Variants in ADAM2 observed in about 807,000 individuals in gnomAD.
ADAM2 encodes the protein ADAM metallopeptidase domain 2.
A neutral mutation model predicts 99.3 loss-of-function variants in ADAM2; 101 were observed. The observed-to-expected ratio is 1.02, with a 90% confidence interval of 0.87 to 1.20. ADAM2 has a LOEUF of 1.20. Among genes scored for constraint, ADAM2 ranks in the 50% most tolerant of loss-of-function variants. The pLI, the probability that ADAM2 is intolerant of heterozygous loss-of-function variation, is 0.00. For synonymous variants in ADAM2, 323 were observed against 287.6 expected (o/e 1.12, Z -1.25); for missense variants, 948 against 878.7 (o/e 1.08, Z -1.00).
chr8:39,784,899 G>T (rs749879733), intron 10 of ADAM2, among the ~76,000 whole-genome samples: 8 of 152,084 alleles, frequency 5.3e-5, no homozygotes, highest in Non-Finnish European at 1.2e-4. Context: ...TAATGGGGTT[G>T]TTTGTTTTTT....
In ADAM2 at chr8:39,837,138, G is replaced by T; in HGVS notation, c.130C>A (p.Gln44Lys). ...AAATACTGTTAGTGATTCATTACCT[G>T]CGATTCAATTCCTTCCTTTATTATT... ...RSIIKEGIES[Q>K]ASYKIVIEGK... The change falls in exon 2 of 21, where the codon CAG becomes AAG. Residue 44 changes from glutamine to lysine, a missense_variant and splice_region_variant. Transcript: ENST00000265708. 6.3e-7 allele frequency: 1 copy of T among 1,592,370 alleles called. No individual in the cohort carries two copies. Among genetic ancestry groups the T allele is most frequent in the Non-Finnish European group, 8.6e-7 (1 of 1,165,178 alleles).
In ADAM2 at chr8:39,788,650, C is replaced by T. The variant is rs368075285; in HGVS notation, c.642+19G>A. 2.6e-6 allele frequency: 4 copies of T among 1,541,284 alleles called. No individual in the cohort carries two copies. The highest frequency in any genetic ancestry group is 3.5e-6 in the Non-Finnish European group (4 of 1,133,390). On this transcript the variant is annotated intron_variant, in intron 8 of 20. Coordinates refer to ENST00000265708, the MANE Select transcript of ADAM2 (RefSeq NM_001464.5). ...TAGTAACACAAGAAGTGCAAAAGTA[C>T]TAAGAAGCAAAGACTTACAGCATTC...
intron 16 of ADAM2, among the ~76,000 whole-genome samples, chr8:39,755,525 A>C (rs995039045): frequency 2.0e-5 from 3 of 152,138 alleles, no homozygotes; most frequent in African/African-American, 7.2e-5. Flanking sequence ...AAATACAAAA[A>C]TTAGCCGGGT....
At position 39,788,752 on chromosome 8, in the gene ADAM2, T is replaced by G; in HGVS notation, c.571-12A>C. The stretch of plus-strand genomic sequence containing the variant: ...CCCATATGATTATACTGTAAAATAT[T>G]ATTACATTTTAGATATAAATATATA... On this transcript the variant is annotated splice_polypyrimidine_tract_variant and intron_variant, in intron 7 of 20. Coordinates refer to ENST00000265708, the MANE Select transcript of ADAM2 (RefSeq NM_001464.5). The G allele has an allele frequency of 4.4e-6, 6 of 1,369,742 alleles. No homozygotes were observed. Among genetic ancestry groups the G allele is most frequent in the Non-Finnish European group, 5.9e-6 (6 of 1,012,182 alleles). The allele number at this position is 1,369,742 out of a possible 1,614,324, so 84.8% of individuals were successfully genotyped here. A position where few individuals can be genotyped will look rare whatever the true frequency, so the allele number is the denominator to read the frequency against.
intron 10 of ADAM2, among the ~76,000 whole-genome samples, chr8:39,781,196 C>T (rs1803215843): frequency 6.6e-6 from 1 of 152,038 alleles, no homozygotes; most frequent in African/African-American, 2.4e-5. Context: ...CATATGTACA[C>T]ATTCATGTAG....
chr8:39,798,168 T>A (rs1003958849), intron 7 of ADAM2, among the ~76,000 whole-genome samples: 9 of 152,232 alleles, frequency 5.9e-5, no homozygotes, highest in Non-Finnish European at 1.0e-4. Flanking sequence ...TGATATTGGC[T>A]GTGGGTTTGT....
At chr8:39,811,715 C>A (rs181660586) in intron 6 of ADAM2, among the ~76,000 whole-genome samples, 17 of 152,108 alleles carry the variant, frequency 1.1e-4, no homozygotes, top group African/African-American at 4.1e-4. Context: ...AGGCCTTCGA[C>A]AAAATTCAAC....
At chr8:39,785,051 T>G (rs958206397) in intron 10 of ADAM2, among the ~76,000 whole-genome samples, 1 of 152,238 alleles carries the variant, frequency 6.6e-6, no homozygotes, top group African/African-American at 2.4e-5. Flanking sequence ...CTCCTTTGTT[T>G]AATTAAATCT....
At chr8:39,830,389 C>A (rs1805567174) in intron 3 of ADAM2, among the ~76,000 whole-genome samples, 1 of 152,146 alleles carries the variant, frequency 6.6e-6, no homozygotes, top group African/African-American at 2.4e-5. Context: ...CCACACCCAT[C>A]ATTTGCATAC....
intron 7 of ADAM2, among the ~76,000 whole-genome samples, chr8:39,803,308 T>G (rs888488189): frequency 6.6e-6 from 1 of 152,114 alleles, no homozygotes; most frequent in African/African-American, 2.4e-5. Context: ...CATCTAAACT[T>G]AAGTTGTTTA....
Position 39,766,974 on chromosome 8 carries a change from A to G in ADAM2, c.1381T>C (p.Ser461Pro). 1 of 1,614,202 alleles carries G rather than the reference A, an allele frequency of 6.2e-7. No homozygotes were observed. The highest frequency in any genetic ancestry group is 8.5e-7 in the Non-Finnish European group (1 of 1,180,016). ...ECDLPEYCNG[S>P]SASCPENHYV... Reference sequence around the variant, plus strand: ...TGGTTTTCTGGGCATGATGCAGATGATCCATTGCAATATTCAGGGAGGTCG... The same window carrying G: ...TGGTTTTCTGGGCATGATGCAGATGGTCCATTGCAATATTCAGGGAGGTCG... The change falls in exon 14 of 21, where the codon TCA (serine) becomes CCA (proline). Residue 461 changes from serine (S) to proline (P), a missense_variant. Coordinates refer to ENST00000265708, the MANE Select transcript of ADAM2 (RefSeq NM_001464.5).
intron 10 of ADAM2, among the ~76,000 whole-genome samples, chr8:39,780,452 AAT>A (rs1409804055): frequency 3.9e-5 from 6 of 152,190 alleles, no homozygotes; most frequent in Non-Finnish European, 5.9e-5. Context: ...AATGAATAAT[AAT>A]ATGTGGGTTA....
chr8:39,786,711 A>G (rs1390985450), intron 10 of ADAM2, among the ~76,000 whole-genome samples: 1 of 152,146 alleles, frequency 6.6e-6, no homozygotes, highest in Non-Finnish European at 1.5e-5. Flanking sequence ...TGAAAACTTG[A>G]AGAGCACTTT....
intron 6 of ADAM2, among the ~76,000 whole-genome samples, chr8:39,816,710 T>C (rs1804955657): frequency 6.6e-6 from 1 of 152,194 alleles, no homozygotes; most frequent in South Asian, 2.1e-4. Flanking sequence ...TTATATAAAA[T>C]ATCTTGAAAA....
chr8:39,819,265 G>C (rs1805078840), intron 6 of ADAM2, among the ~76,000 whole-genome samples: 1 of 151,974 alleles, frequency 6.6e-6, no homozygotes, highest in Non-Finnish European at 1.5e-5. Flanking sequence ...AATCAAGAAT[G>C]CTCAATGAGG....
chr8:39,812,414 G>A (rs1804742900), intron 6 of ADAM2, among the ~76,000 whole-genome samples: 2 of 152,062 alleles, frequency 1.3e-5, no homozygotes, highest in Admixed American at 1.3e-4. Flanking sequence ...TCACAGAATT[G>A]GAAAAAACTA....
At chr8:39,747,323 T>C (rs1823512087) in intron 18 of ADAM2, among the ~76,000 whole-genome samples, 1 of 152,174 alleles carries the variant, frequency 6.6e-6, no homozygotes, top group Non-Finnish European at 1.5e-5. Context: ...ACACAATCCA[T>C]TAAACAAAGG....
Position 39,786,969 on chromosome 8 carries a change from C to A in ADAM2, c.891+5G>T, listed in dbSNP as rs1803489391. 1 of 1,578,060 alleles carries A rather than the reference C, an allele frequency of 6.3e-7. No homozygotes were observed. Among genetic ancestry groups the A allele is most frequent in the Admixed American group, 1.8e-5 (1 of 55,600 alleles). The stretch of plus-strand genomic sequence containing the variant: ...GCATACTTTCTATACATAACCATAC[C>A]ATACCAGAACAACACCTCCTGCATA... On this transcript the variant is annotated splice_donor_5th_base_variant and intron_variant, in intron 10 of 20. Transcript: ENST00000265708.
rs1238962273 is a variant in ADAM2, at chr8:39,767,054, G to T, written c.1312-11C>A. The T allele has an allele frequency of 6.2e-7, 1 of 1,610,836 alleles. No individual in the cohort carries two copies. Among genetic ancestry groups the T allele is most frequent in the Non-Finnish European group, 8.5e-7 (1 of 1,177,370 alleles). The stretch of plus-strand genomic sequence containing the variant: ...TTCTTTTGACATAAACTGATGGGAT[G>T]AGGTAAATGATATTGAATTAAGCAG... On this transcript the variant is annotated splice_polypyrimidine_tract_variant and intron_variant, in intron 13 of 20. Transcript: ENST00000265708.
Sources: allele counts gnomAD v4.1 joint callset (sites outside exome capture counted in the v4.1 genomes callset), GRCh38; gene constraint gnomAD v4.1.1; transcripts MANE v1.5; gene names NCBI Gene and HGNC (gene_info 2026-07-23, HGNC 2026-07-21).